PRELID2: variants seen among roughly 807,000 people sequenced by gnomAD.
The protein encoded by PRELID2 is PRELI domain containing 2, also known as PRELI domain-containing protein 2.
A neutral mutation model predicts 28.4 loss-of-function variants in PRELID2; 25 were observed. The ratio of observed to expected loss-of-function variants is 0.88; its 90% confidence interval spans 0.64 to 1.23. The LOEUF is 1.23. PRELID2 is among the 50% of genes most tolerant of loss of function. The pLI, the probability that PRELID2 is intolerant of heterozygous loss-of-function variation, is 0.00. For missense variants in PRELID2, 201 were observed against 214.4 expected (o/e 0.94, Z 0.39); for synonymous variants, 76 against 71.6 (o/e 1.06, Z -0.31).
the PRELID2 span, among the ~76,000 whole-genome samples, chr5:145,265,857 T>C: frequency 6.6e-6 from 1 of 152,124 alleles, no homozygotes; most frequent in Non-Finnish European, 1.5e-5. Context: ...CCATAAAAAT[T>C]CTAGAAGATA....
the PRELID2 span, among the ~76,000 whole-genome samples, chr5:145,406,253 G>T: frequency 3.3e-5 from 5 of 152,120 alleles, no homozygotes; most frequent in African/African-American, 4.8e-5. Flanking sequence ...TGTATAACAG[G>T]TGGTAGTTTT....
the PRELID2 span, among the ~76,000 whole-genome samples, chr5:145,245,193 C>T: frequency 6.6e-6 from 1 of 152,130 alleles, no homozygotes; most frequent in Middle Eastern, 3.4e-3. Flanking sequence ...GATTTATTTT[C>T]ATAGATTTAG....
chr5:145,359,198 G>A, the PRELID2 span, among the ~76,000 whole-genome samples: 2 of 152,120 alleles, frequency 1.3e-5, no homozygotes, highest in African/African-American at 4.8e-5. Context: ...GGGCTTTATT[G>A]CAAGTATTCA....
At chr5:145,717,833 T>C (rs924987338) in intron 1 of PRELID2, among the ~76,000 whole-genome samples, 1 of 151,922 alleles carries the variant, frequency 6.6e-6, no homozygotes, top group East Asian at 1.9e-4. Flanking sequence ...ACAGATGTAA[T>C]ATAAATGAGA....
intron 4 of PRELID2, among the ~76,000 whole-genome samples, chr5:145,808,488 C>A (rs1329123974): frequency 6.6e-6 from 1 of 152,074 alleles, no homozygotes; most frequent in Non-Finnish European, 1.5e-5. Context: ...ATGTTTTAAT[C>A]CAGAAATTCA....
At chr5:145,544,824 A>C (rs1455865458) in intron 1 of PRELID2, among the ~76,000 whole-genome samples, 1 of 152,146 alleles carries the variant, frequency 6.6e-6, no homozygotes, top group East Asian at 1.9e-4. Context: ...GAAATGTCCA[A>C]TTTGGAGGGA....
At chr5:145,418,295 T>C in the PRELID2 span, among the ~76,000 whole-genome samples, 1 of 152,294 alleles carries the variant, frequency 6.6e-6, no homozygotes, top group South Asian at 2.1e-4. Context: ...ATCAATATCA[T>C]GAAAATGGCC....
the PRELID2 span, among the ~76,000 whole-genome samples, chr5:145,432,422 C>G: frequency 1.7e-4 from 16 of 94,866 alleles, no homozygotes; most frequent in Admixed American, 2.1e-3. Flanking sequence ...CAAATAAGCT[C>G]AAGTTGTTAA....
the PRELID2 span, among the ~76,000 whole-genome samples, chr5:145,343,565 A>G: frequency 6.6e-6 from 1 of 152,062 alleles, no homozygotes; most frequent in South Asian, 2.1e-4. Flanking sequence ...TCAAAAAATT[A>G]GAAAGATTAC....
At chr5:145,463,174 T>C in the PRELID2 span, among the ~76,000 whole-genome samples, 2 of 152,100 alleles carry the variant, frequency 1.3e-5, no homozygotes, top group African/African-American at 4.8e-5. Context: ...TTTTGTTTGT[T>C]TTTTATTTAA....
the PRELID2 span, among the ~76,000 whole-genome samples, chr5:145,318,552 C>T: frequency 6.6e-6 from 1 of 152,168 alleles, no homozygotes; most frequent in African/African-American, 2.4e-5. Context: ...CAGGATAGTT[C>T]CCTGGCCCCC....
chr5:145,826,565 G>A lies in PRELID2; in HGVS notation c.76-3431C>T, dbSNP rs114120441. On this transcript the variant is annotated intron_variant, in intron 1 of 6. Transcript: ENST00000683046. ...GTAAACTAACTCCTTTTCCTTTCCC[G>A]AAGACATGAAACTACTACAAATACC... Among the ~76,000 whole-genome samples, 1,347 of 152,050 alleles carry A rather than the reference G, an allele frequency of 8.9e-3. 13 individuals are homozygous for A. Among genetic ancestry groups the A allele is most frequent in the African/African-American group, 0.03 (1,234 of 41,448 alleles).
At chr5:145,577,658 G>C (rs1219082336) in intron 1 of PRELID2, among the ~76,000 whole-genome samples, 1 of 151,930 alleles carries the variant, frequency 6.6e-6, no homozygotes. Context: ...AGAAGGAGAA[G>C]AGAAAAATAA....
chr5:145,587,132 A>C (rs998505907), intron 1 of PRELID2, among the ~76,000 whole-genome samples: 1 of 152,184 alleles, frequency 6.6e-6, no homozygotes, highest in Non-Finnish European at 1.5e-5. Context: ...AAGATACAGC[A>C]TCAAGCCAGG....
At chr5:145,683,377 G>A (rs11948853) in intron 1 of PRELID2, among the ~76,000 whole-genome samples, 26,765 of 152,078 alleles carry the variant, frequency 0.18, 4,442 homozygotes, top group African/African-American at 0.43. Context: ...CCAGTATACT[G>A]GTGTGCTAGG....
rs192492187 is a variant in PRELID2, at chr5:145,523,264, A to G, written n.71-49949T>C. On this transcript the variant is annotated intron_variant and non_coding_transcript_variant, in intron 1 of 2. Transcript: ENST00000510259. ...ATCATCTAACAGATGCAATCGGAGG[A>G]AAAAACACTTCTAAGTTATTATTTT... 3.9e-5 allele frequency among the ~76,000 whole-genome samples: 6 copies of G among 152,234 alleles called. No individual in the cohort carries two copies. In the East Asian group the frequency reaches 1.2e-3, roughly 29 times the overall value.
chr5:145,735,879 G>A (rs17103695), intron 1 of PRELID2, among the ~76,000 whole-genome samples: 3,419 of 152,284 alleles, frequency 0.022, 123 homozygotes, highest in African/African-American at 0.077. Context: ...TGGATGATCA[G>A]CATGACCGAC....
intron 1 of PRELID2, among the ~76,000 whole-genome samples, chr5:145,697,076 T>C (rs1441646298): frequency 0.046 from 5,039 of 110,404 alleles, 433 homozygotes; most frequent in African/African-American, 0.17. Context: ...TATATATATA[T>C]ATATACACAC....
chr5:145,791,591 A>G (rs1326037618), intron 5 of PRELID2, among the ~76,000 whole-genome samples: 1 of 152,126 alleles, frequency 6.6e-6, no homozygotes, highest in East Asian at 1.9e-4. Flanking sequence ...ATAGGAAGTT[A>G]TTGTTTAATG....
Sources: allele counts gnomAD v4.1 joint callset (sites outside exome capture counted in the v4.1 genomes callset), GRCh38; gene constraint gnomAD v4.1.1; transcripts MANE v1.5; gene names NCBI Gene and HGNC (gene_info 2026-07-23, HGNC 2026-07-21).